GNAQ: variants seen among roughly 807,000 people sequenced by gnomAD.
The protein encoded by GNAQ is G protein subunit alpha q, also known as guanine nucleotide-binding protein G(q) subunit alpha.
GNAQ carries 8 observed loss-of-function variants against 43.9 expected under a neutral mutation model. The observed-to-expected ratio is 0.18, with a 90% CI of 0.11 to 0.33. The LOEUF (loss-of-function observed/expected upper bound fraction) is 0.33, where lower values mean the gene tolerates loss of function less well. Ranked by LOEUF, GNAQ falls within the 10% of genes least tolerant of loss-of-function variation. The pLI is 1.00. For missense variants in GNAQ, 158 were observed against 450.8 expected, an observed-to-expected ratio of 0.35 and a Z score of 5.88; for synonymous variants, 155 against 170.7, an observed-to-expected ratio of 0.91 and a Z score of 0.71.
chr9:77,867,202 C>T (rs1564135117), intron 2 of GNAQ, among the ~76,000 whole-genome samples: 1 of 152,228 alleles, frequency 6.6e-6, no homozygotes, highest in Non-Finnish European at 1.5e-5. Flanking sequence ...CTCTCCTGGA[C>T]TCTCAAAGAG....
intron 1 of GNAQ, among the ~76,000 whole-genome samples, chr9:77,997,687 C>G (rs1823586798): frequency 6.6e-6 from 1 of 152,146 alleles, no homozygotes; most frequent in African/African-American, 2.4e-5. Context: ...CCTGAAGAAG[C>G]AGTCTGCAGC....
At chr9:77,864,939 G>C (rs1390680251) in intron 2 of GNAQ, among the ~76,000 whole-genome samples, 2 of 152,054 alleles carry the variant, frequency 1.3e-5, no homozygotes, top group Non-Finnish European at 2.9e-5. Flanking sequence ...AGAGTATTTT[G>C]AGTGTGCCCT....
chr9:77,747,358 C>CTT (rs1370117953), intron 5 of GNAQ, among the ~76,000 whole-genome samples: 1 of 152,056 alleles, frequency 6.6e-6, no homozygotes, highest in African/African-American at 2.4e-5. Flanking sequence ...AAACCAGAAC[C>CTT]TTTTAACTCC....
intron 3 of GNAQ, among the ~76,000 whole-genome samples, chr9:77,810,284 T>C (rs1485141879): frequency 2.6e-5 from 4 of 151,948 alleles, no homozygotes; most frequent in Non-Finnish European, 4.4e-5. Flanking sequence ...CATCCATCCA[T>C]CCTGTGTGAG....
Position 77,789,087 on chromosome 9 carries a change from C to T in GNAQ, c.735+5376G>A, listed in dbSNP as rs185750572. Among the ~76,000 whole-genome samples, 431 of 152,284 alleles carry T rather than the reference C, an allele frequency of 2.8e-3. 2 individuals carry two copies. The highest frequency in any genetic ancestry group is 2.3e-3 in the South Asian group (11 of 4,822). ...ATGCTTGATTAAATCTGTGGCCTAC[C>T]ATTAGGAAAGGTACACAATTGTATG... On this transcript the variant is annotated intron_variant, in intron 5 of 6. Transcript: ENST00000286548.
At chr9:77,818,518 G>GAT (rs1318266896) in intron 2 of GNAQ, among the ~76,000 whole-genome samples, 1 of 148,766 alleles carries the variant, frequency 6.7e-6, no homozygotes, top group Admixed American at 6.7e-5. Context: ...AGATAAATTA[G>GAT]ATACTTTTTT....
intron 1 of GNAQ, among the ~76,000 whole-genome samples, chr9:77,970,227 A>AC (rs1482053393): frequency 2.7e-5 from 4 of 150,202 alleles, no homozygotes; most frequent in African/African-American, 2.5e-5. Flanking sequence ...CTCCACAAAA[A>AC]AAAAAAAACA....
chr9:77,926,083 T>C (rs1351177666), intron 1 of GNAQ, among the ~76,000 whole-genome samples: 4 of 152,128 alleles, frequency 2.6e-5, no homozygotes, highest in African/African-American at 4.8e-5. Flanking sequence ...AACCCGCGAA[T>C]AGGGAAGGCC....
chr9:77,884,595 AC>A (rs1246209517), intron 2 of GNAQ, among the ~76,000 whole-genome samples: 2 of 151,816 alleles, frequency 1.3e-5, no homozygotes, highest in African/African-American at 4.8e-5. Flanking sequence ...TCTCCACCCC[AC>A]CCCCTCAAAC....
At chr9:77,808,338 G>T (rs527980692) in intron 3 of GNAQ, among the ~76,000 whole-genome samples, 2 of 150,906 alleles carry the variant, frequency 1.3e-5, no homozygotes, top group Non-Finnish European at 1.5e-5. Flanking sequence ...AGCATTCACC[G>T]AGGAAGACAA....
intron 1 of GNAQ, among the ~76,000 whole-genome samples, chr9:78,022,527 C>T (rs1438421475): frequency 6.6e-6 from 1 of 151,822 alleles, no homozygotes; most frequent in African/African-American, 2.4e-5. Flanking sequence ...CTTATTTAGC[C>T]AAAAATAAAA....
chr9:77,855,194 G>A lies in GNAQ; in HGVS notation c.322-39424C>T, dbSNP rs188478259. On this transcript the variant is annotated intron_variant, in intron 2 of 6. Coordinates refer to ENST00000286548, the MANE Select transcript of GNAQ (RefSeq NM_002072.5). ...GAAAACATAAATGAAAATTTAGAAGGGAAACAAGAGGAGACATGAAAATTG... is the reference window on the plus strand; with the variant it reads ...GAAAACATAAATGAAAATTTAGAAGAGAAACAAGAGGAGACATGAAAATTG... 5.3e-4 allele frequency among the ~76,000 whole-genome samples: 80 copies of A among 152,020 alleles called. 1 individual carries two copies. The East Asian group carries it at 0.015, about 29-fold the overall frequency.
chr9:77,883,327 C>T (rs1447440520), intron 2 of GNAQ, among the ~76,000 whole-genome samples: 1 of 152,190 alleles, frequency 6.6e-6, no homozygotes, highest in Non-Finnish European at 1.5e-5. Context: ...GCATCAAAAA[C>T]ATCCAGACAC....
rs377358148 is a variant in GNAQ at position 77,916,912 on chromosome 9, T to C, written c.321+5249A>G. Among the ~76,000 whole-genome samples, 70 of 152,286 alleles carry C rather than the reference T, an allele frequency of 4.6e-4. 1 individual carries two copies. The South Asian group carries it at 0.014, about 30-fold the overall frequency. On this transcript the variant is annotated intron_variant, in intron 2 of 6. Transcript: ENST00000286548. Reference sequence around the variant, plus strand: ...GACTGGCAAAGAGAGCAATGGCCTATCAATACTTTGAAATTGCCACAATAC... The same window carrying C: ...GACTGGCAAAGAGAGCAATGGCCTACCAATACTTTGAAATTGCCACAATAC...
At chr9:77,855,222 GT>G (rs1374458401) in intron 2 of GNAQ, among the ~76,000 whole-genome samples, 2 of 152,232 alleles carry the variant, frequency 1.3e-5, no homozygotes, top group African/African-American at 4.8e-5. Flanking sequence ...GAAAATTGGT[GT>G]AATGCAGCAG....
chr9:77,996,726 A>G (rs7467895), intron 1 of GNAQ, among the ~76,000 whole-genome samples: 5,040 of 152,112 alleles, frequency 0.033, 117 homozygotes, highest in Non-Finnish European at 0.047. Flanking sequence ...AACAAATGCA[A>G]TAGTCAGATA....
rs1358518265 is a variant in GNAQ at position 77,763,386 on chromosome 9, G to C, written c.735+31077C>G. 1.3e-5 allele frequency among the ~76,000 whole-genome samples: 2 copies of C among 152,186 alleles called. 1 individual carries two copies. Among genetic ancestry groups the C allele is most frequent in the Non-Finnish European group, 2.9e-5 (2 of 68,034 alleles). ...CATGCCTGTAATCCCAGCACTTTGG[G>C]AGATCAAGACTGGAGGATCACTTGC... On this transcript the variant is annotated intron_variant, in intron 5 of 6. Transcript: ENST00000286548.
Position 77,988,464 on chromosome 9 carries a change from A to G in GNAQ, c.136+42636T>C, listed in dbSNP as rs75124253. ...TTGATCTGGTATCTTCCATCAATGG[A>G]GCACGTAATTGCTGTTTTCTCATCT... On this transcript the variant is annotated intron_variant, in intron 1 of 6. Coordinates refer to ENST00000286548, the MANE Select transcript of GNAQ (RefSeq NM_002072.5). Among the ~76,000 whole-genome samples the G allele has an allele frequency of 9.2e-5, 14 of 152,332 alleles. No individual in the cohort carries two copies. In the East Asian group the frequency reaches 2.7e-3, roughly 29 times the overall value.
At chr9:77,951,356 C>T (rs1822976060) in intron 1 of GNAQ, among the ~76,000 whole-genome samples, 1 of 152,082 alleles carries the variant, frequency 6.6e-6, no homozygotes, top group Admixed American at 6.6e-5. Context: ...CCTTGGCCTC[C>T]CAAAGTGCTG....
Sources: gnomAD v4.1 joint callset for allele counts (sites outside exome capture counted in the v4.1 genomes callset) on GRCh38, gnomAD v4.1.1 for gene constraint, MANE v1.5 for transcripts, NCBI Gene and HGNC (gene_info 2026-07-23, HGNC 2026-07-21) for gene names.